BMAL1: variants seen among roughly 807,000 people sequenced by gnomAD.
The protein encoded by BMAL1 is basic helix-loop-helix ARNT like 1, also known as basic helix-loop-helix ARNT-like protein 1.
At chr11:13,365,434 A>G in the BMAL1 span, 1 of 1,419,080 alleles carries the variant, frequency 7.0e-7, no homozygotes, top group Non-Finnish European at 9.9e-7. Context: ...TCTATTTGTT[A>G]TCAGGGTGAT....
the BMAL1 span, among the ~76,000 whole-genome samples, chr11:13,377,578 G>T: frequency 9.9e-5 from 15 of 152,204 alleles, 1 homozygote; most frequent in South Asian, 2.7e-3. Flanking sequence ...CCCTGCCGTG[G>T]ACTTTCTAAT....
At chr11:13,317,966 T>C in the BMAL1 span, among the ~76,000 whole-genome samples, 1 of 152,246 alleles carries the variant, frequency 6.6e-6, no homozygotes, top group East Asian at 1.9e-4. Context: ...CATTTAAAAA[T>C]GGGTAGATTT....
At chr11:13,367,859 G>A in the BMAL1 span, among the ~76,000 whole-genome samples, 2 of 152,092 alleles carry the variant, frequency 1.3e-5, no homozygotes, top group Non-Finnish European at 2.9e-5. Flanking sequence ...TATTTCTTTG[G>A]GTTGTTGTGA....
chr11:13,354,439 C>T, the BMAL1 span: 1 of 1,613,980 alleles, frequency 6.2e-7, no homozygotes, highest in African/African-American at 1.3e-5. Context: ...GGCAGCTCCA[C>T]TGACTACCAG....
At chr11:13,316,112 A>T in the BMAL1 span, among the ~76,000 whole-genome samples, 1 of 152,212 alleles carries the variant, frequency 6.6e-6, no homozygotes, top group Non-Finnish European at 1.5e-5. Context: ...GGGCAGAGCC[A>T]GCTGCCCTTC....
chr11:13,383,685 C>T, the BMAL1 span, among the ~76,000 whole-genome samples: 8 of 139,930 alleles, frequency 5.7e-5, no homozygotes, highest in Non-Finnish European at 1.3e-4. Context: ...CCCATCTCTA[C>T]TAAAAAATAC....
chr11:13,343,063 C>T, the BMAL1 span, among the ~76,000 whole-genome samples: 32 of 152,296 alleles, frequency 2.1e-4, no homozygotes, highest in African/African-American at 7.5e-4. Flanking sequence ...AACTGTGAGG[C>T]AGGTAATGTT....
At chr11:13,384,212 A>G in the BMAL1 span, among the ~76,000 whole-genome samples, 1 of 152,200 alleles carries the variant, frequency 6.6e-6, no homozygotes, top group Non-Finnish European at 1.5e-5. Context: ...AAAAATTGGA[A>G]TTTTTAGAAA....
chr11:13,281,615 T>A, the BMAL1 span, among the ~76,000 whole-genome samples: 23 of 152,050 alleles, frequency 1.5e-4, no homozygotes, highest in African/African-American at 5.1e-4. Flanking sequence ...TCTCAGGTAA[T>A]CCTCCTGCCT....
chr11:13,354,643 C>T, the BMAL1 span: 2 of 657,530 alleles, frequency 3.0e-6, no homozygotes, highest in East Asian at 6.1e-5. Flanking sequence ...TTCAGCAGTG[C>T]TGAGGCATTT....
the BMAL1 span, among the ~76,000 whole-genome samples, chr11:13,336,921 G>C: frequency 1.3e-5 from 2 of 152,078 alleles, no homozygotes; most frequent in Non-Finnish European, 2.9e-5. Context: ...ACTCCTATCT[G>C]GAAACTAGTT....
chr11:13,313,389 C>T, the BMAL1 span, among the ~76,000 whole-genome samples: 5 of 152,256 alleles, frequency 3.3e-5, no homozygotes, highest in Admixed American at 6.5e-5. Context: ...TCTCCATATC[C>T]GGTCTGAACC....
chr11:13,358,446 T>C, the BMAL1 span: 1 of 1,596,798 alleles, frequency 6.3e-7, no homozygotes, highest in African/African-American at 1.3e-5. Context: ...AAGCTCACAG[T>C]CAGATTGAAA....
chr11:13,356,215 C>T, the BMAL1 span: 1 of 453,302 alleles, frequency 2.2e-6, no homozygotes, highest in Non-Finnish European at 4.4e-6. Context: ...GGCAGTAGTG[C>T]CTTTGAAAAG....
At chr11:13,324,535 C>G in the BMAL1 span, among the ~76,000 whole-genome samples, 1 of 152,242 alleles carries the variant, frequency 6.6e-6, no homozygotes, top group Non-Finnish European at 1.5e-5. Context: ...GTTCTGCCCC[C>G]TCTCCCCGCT....
chr11:13,284,216 A>ATATATATGTG, the BMAL1 span, among the ~76,000 whole-genome samples: 1 of 16,892 alleles, frequency 5.9e-5, no homozygotes, highest in East Asian at 3.4e-3. Flanking sequence ...ATATGTGTAT[A>ATATATATGTG]TATATATATA....
the BMAL1 span, among the ~76,000 whole-genome samples, chr11:13,351,592 G>C: frequency 3.3e-5 from 5 of 151,822 alleles, no homozygotes; most frequent in Non-Finnish European, 7.4e-5. Flanking sequence ...ATACAGAAGA[G>C]GGCCCAGGAC....
the BMAL1 span, among the ~76,000 whole-genome samples, chr11:13,329,015 A>G: frequency 3.9e-5 from 6 of 152,208 alleles, no homozygotes; most frequent in Non-Finnish European, 8.8e-5. Context: ...TTCAGTTAAT[A>G]TGAATTGAGT....
the BMAL1 span, among the ~76,000 whole-genome samples, chr11:13,376,370 G>T: frequency 6.6e-6 from 1 of 152,212 alleles, no homozygotes; most frequent in Non-Finnish European, 1.5e-5. Flanking sequence ...AGGAGGTGCT[G>T]TAATGATGGC....
Sources: allele counts gnomAD v4.1 joint callset (sites outside exome capture counted in the v4.1 genomes callset), GRCh38; gene constraint gnomAD v4.1.1; transcripts MANE v1.5; gene names NCBI Gene and HGNC (gene_info 2026-07-23, HGNC 2026-07-21).